The following DTWD2 variants were observed in gnomAD, a reference collection of about 807,000 sequenced individuals.
DTWD2 encodes the protein DTW motif tRNA-uridine aminocarboxypropyltransferase 2.
A neutral mutation model predicts 31.8 loss-of-function variants in DTWD2; 39 were observed. The ratio of observed to expected loss-of-function variants is 1.22; its 90% CI spans 0.95 to 1.60. The LOEUF (loss-of-function observed/expected upper bound fraction) is 1.60. Among genes scored for constraint, DTWD2 ranks in the 40% most tolerant of loss-of-function variants. DTWD2 has a pLI of 0.00. For missense variants in DTWD2, 515 were observed against 381.5 expected (o/e 1.35, Z -2.92); for synonymous variants, 180 against 142.8 (o/e 1.26, Z -1.86).
intron 4 of DTWD2, among the ~76,000 whole-genome samples, chr5:118,923,838 G>A (rs1753755518): frequency 6.6e-6 from 1 of 152,140 alleles, no homozygotes; most frequent in Non-Finnish European, 1.5e-5. Flanking sequence ...TCTTCCACCG[G>A]TAACAGCCTG....
intron 4 of DTWD2, among the ~76,000 whole-genome samples, chr5:118,865,488 T>A (rs999838117): frequency 1.3e-4 from 20 of 152,110 alleles, no homozygotes; most frequent in African/African-American, 4.8e-4. Context: ...TACATACATA[T>A]TTGAAAAGTG....
At chr5:118,893,933 G>A (rs755928535) in intron 4 of DTWD2, among the ~76,000 whole-genome samples, 3 of 151,860 alleles carry the variant, frequency 2.0e-5, no homozygotes, top group Non-Finnish European at 4.4e-5. Context: ...CCTCCATAAA[G>A]GAGCACCGTT....
chr5:118,876,984 T>A (rs1009371699), intron 4 of DTWD2, among the ~76,000 whole-genome samples: 1 of 152,118 alleles, frequency 6.6e-6, no homozygotes, highest in African/African-American at 2.4e-5. Flanking sequence ...CCTAACACAA[T>A]ACTGGAAAAC....
intron 2 of DTWD2, among the ~76,000 whole-genome samples, chr5:118,941,473 T>C (rs1031075327): frequency 2.0e-5 from 3 of 152,220 alleles, no homozygotes; most frequent in African/African-American, 7.2e-5. Flanking sequence ...AATGATGGTT[T>C]CCAGCTTCAT....
intron 4 of DTWD2, among the ~76,000 whole-genome samples, chr5:118,922,616 G>C (rs1753727953): frequency 6.6e-6 from 1 of 152,118 alleles, no homozygotes; most frequent in Non-Finnish European, 1.5e-5. Context: ...TTGTAGACAA[G>C]ACTATAAGAG....
intron 4 of DTWD2, among the ~76,000 whole-genome samples, chr5:118,907,774 A>C (rs748971603): frequency 6.6e-6 from 1 of 151,606 alleles, no homozygotes; most frequent in Non-Finnish European, 1.5e-5. Flanking sequence ...TCAGTGGCAC[A>C]GATGAAGTCC....
At chr5:118,985,490 T>TTTATATATATATATA (rs139994443) in intron 1 of DTWD2, among the ~76,000 whole-genome samples, 2 of 95,418 alleles carry the variant, frequency 2.1e-5, no homozygotes, top group Non-Finnish European at 4.4e-5. Context: ...ATGTGCATTT[T>TTTATATATATATATA]TATATATATA....
intron 4 of DTWD2, among the ~76,000 whole-genome samples, chr5:118,909,931 A>C (rs921321154): frequency 6.6e-5 from 10 of 152,184 alleles, no homozygotes; most frequent in Non-Finnish European, 1.3e-4. Flanking sequence ...CCTCCTGCAC[A>C]TAAGATATTC....
intron 3 of DTWD2, among the ~76,000 whole-genome samples, chr5:118,932,135 A>G (rs1753937685): frequency 1.3e-5 from 2 of 152,088 alleles, no homozygotes; most frequent in Admixed American, 1.3e-4. Context: ...GAAAGACCTG[A>G]AAATCAACAG....
At chr5:118,913,432 T>TACAC (rs56346643) in intron 4 of DTWD2, among the ~76,000 whole-genome samples, 430 of 137,704 alleles carry the variant, frequency 3.1e-3, no homozygotes, top group African/African-American at 8.8e-3. Flanking sequence ...TATATATATA[T>TACAC]ACACACACAC....
chr5:118,988,046 G>A (rs1158920512), intron 1 of DTWD2: 1 of 705,614 alleles, frequency 1.4e-6, no homozygotes, highest in Non-Finnish European at 2.6e-6. Context: ...AAACAGAACT[G>A]ATGTCTGCTC....
chr5:118,875,669 C>A (rs1303293075), intron 4 of DTWD2, among the ~76,000 whole-genome samples: 1 of 151,616 alleles, frequency 6.6e-6, no homozygotes, highest in Non-Finnish European at 1.5e-5. Context: ...AGCTAACTAT[C>A]CTAAATATGT....
intron 4 of DTWD2, among the ~76,000 whole-genome samples, chr5:118,902,577 AAT>A (rs1292442868): frequency 1.3e-5 from 2 of 152,090 alleles, no homozygotes; most frequent in African/African-American, 4.8e-5. Flanking sequence ...ATACTTAGAA[AAT>A]ATATATGTTT....
intron 4 of DTWD2, among the ~76,000 whole-genome samples, chr5:118,861,508 T>G (rs1444346202): frequency 6.6e-6 from 1 of 152,210 alleles, no homozygotes; most frequent in African/African-American, 2.4e-5. Flanking sequence ...ATAGCTGCCC[T>G]ATAAGATCCT....
At chr5:118,895,036 G>A (rs1392597608) in intron 4 of DTWD2, among the ~76,000 whole-genome samples, 2 of 151,908 alleles carry the variant, frequency 1.3e-5, no homozygotes, top group Admixed American at 6.6e-5. Context: ...AAGAAATAAA[G>A]AACCTCCAAA....
intron 1 of DTWD2, among the ~76,000 whole-genome samples, chr5:118,965,741 T>G (rs895836854): frequency 1.3e-5 from 2 of 152,006 alleles, no homozygotes; most frequent in Non-Finnish European, 2.9e-5. Flanking sequence ...GAAGGCAGCA[T>G]GCTCGTTAAG....
chr5:118,836,800 C>CGGTG lies in DTWD2; in HGVS notation c.*4116_*4117insCACC, dbSNP rs989030966. Among the ~76,000 whole-genome samples, 1 of 152,170 alleles carries CGGTG rather than the reference C, an allele frequency of 6.6e-6. No homozygotes were observed. Among genetic ancestry groups the CGGTG allele is most frequent in the African/African-American group, 2.4e-5 (1 of 41,436 alleles). On this transcript the variant is annotated 3_prime_UTR_variant, in exon 6 of 6. Coordinates refer to ENST00000510708, the MANE Select transcript of DTWD2 (RefSeq NM_173666.4). Reference sequence around the variant, plus strand: ...CATCTATGAACCAGTGAGTGGGCCCCTCACCAGACACCAAATCTGCTGGCA... The same window carrying CGGTG: ...CATCTATGAACCAGTGAGTGGGCCCCGGTGTCACCAGACACCAAATCTGCTGGCA...
chr5:118,923,451 G>A (rs1169026455), intron 4 of DTWD2, among the ~76,000 whole-genome samples: 1 of 152,158 alleles, frequency 6.6e-6, no homozygotes, highest in African/African-American at 2.4e-5. Flanking sequence ...CCGGAAAAAG[G>A]GAAGAAAGCC....
chr5:118,983,085 C>A (rs924238757), intron 1 of DTWD2, among the ~76,000 whole-genome samples: 1 of 152,114 alleles, frequency 6.6e-6, no homozygotes, highest in African/African-American at 2.4e-5. Flanking sequence ...CTTTTCCCAC[C>A]AAATTTGAAG....
Sources: allele counts gnomAD v4.1 joint callset (sites outside exome capture counted in the v4.1 genomes callset), GRCh38; gene constraint gnomAD v4.1.1; transcripts MANE v1.5; gene names NCBI Gene and HGNC (gene_info 2026-07-23, HGNC 2026-07-21).